Variants in GREB1L observed in about 807,000 individuals in gnomAD.
GREB1L encodes GREB1-like protein.
GREB1L carries 17 observed loss-of-function variants against 200.8 expected under a neutral mutation model. The ratio of observed to expected loss-of-function variants is 0.08; its 90% confidence interval spans 0.06 to 0.13. The LOEUF (loss-of-function observed/expected upper bound fraction) is 0.13. GREB1L is among the 10% of genes least tolerant of loss of function. The pLI, the probability that GREB1L is intolerant of heterozygous loss-of-function variation, is 1.00. For synonymous variants in GREB1L, 789 were observed against 893.0 expected (o/e 0.88, Z 2.08); for missense variants, 1,657 against 2,367.7 (o/e 0.70, Z 6.23).
intron 1 of GREB1L, among the ~76,000 whole-genome samples, chr18:21,244,247 C>T (rs1379144445): frequency 1.3e-5 from 2 of 152,176 alleles, no homozygotes; most frequent in Admixed American, 1.3e-4. Context: ...TGAATTTTTC[C>T]TCCATTTTGG....
chr18:21,268,520 TATACACACACACAC>T (rs1428122794), intron 1 of GREB1L, among the ~76,000 whole-genome samples: 1 of 75,046 alleles, frequency 1.3e-5, no homozygotes, highest in Admixed American at 1.5e-4. Flanking sequence ...TGTATATATA[TATACACACACACAC>T]ACACACACAC....
intron 1 of GREB1L, among the ~76,000 whole-genome samples, chr18:21,306,930 G>A (rs1567930283): frequency 6.6e-6 from 1 of 152,164 alleles, no homozygotes. Flanking sequence ...AAAAGATGGT[G>A]ATATGTTTTA....
intron 21 of GREB1L, among the ~76,000 whole-genome samples, chr18:21,498,370 C>A (rs577152606): frequency 1.1e-4 from 17 of 152,240 alleles, no homozygotes; most frequent in Middle Eastern, 3.4e-3. Flanking sequence ...CCATGTGGAC[C>A]ACTCTGCCTG....
At chr18:21,264,620 CA>C (rs997865837) in intron 1 of GREB1L, among the ~76,000 whole-genome samples, 1 of 152,140 alleles carries the variant, frequency 6.6e-6, no homozygotes, top group African/African-American at 2.4e-5. Context: ...GAAACTAGTT[CA>C]GGGGACTAGT....
At chr18:21,463,272 A>G (rs2035131366) in intron 15 of GREB1L, among the ~76,000 whole-genome samples, 1 of 149,758 alleles carries the variant, frequency 6.7e-6, no homozygotes, top group African/African-American at 2.5e-5. Flanking sequence ...CAGCCTCCCA[A>G]GTAGGTGGGA....
chr18:21,320,473 A>G (rs1379532304), intron 1 of GREB1L, among the ~76,000 whole-genome samples: 2 of 152,214 alleles, frequency 1.3e-5, no homozygotes, highest in Non-Finnish European at 2.9e-5. Context: ...TAGAAAAATA[A>G]AACTATTGGA....
chr18:21,365,251 CTT>C (rs956951463), intron 1 of GREB1L, among the ~76,000 whole-genome samples: 5 of 152,142 alleles, frequency 3.3e-5, no homozygotes, highest in African/African-American at 1.2e-4. Flanking sequence ...GGAAAATCCT[CTT>C]TTGTTTTCTT....
At position 21,310,308 on chromosome 18, in the gene GREB1L, T is replaced by C. The variant is rs144856635; in HGVS notation, c.-119-55719T>C. ...TCAAGAAGCCATGAGACTCATCAAGTGCTGTAATCCCAGCACTTTGGGAGG... is the reference window on the plus strand; with the variant it reads ...TCAAGAAGCCATGAGACTCATCAAGCGCTGTAATCCCAGCACTTTGGGAGG... On this transcript the variant is annotated intron_variant, in intron 1 of 32. Coordinates refer to ENST00000424526, the MANE Select transcript of GREB1L (RefSeq NM_001142966.3). 8.4e-3 allele frequency among the ~76,000 whole-genome samples: 1,277 copies of C among 152,276 alleles called. 4 individuals carry two copies. The highest frequency in any genetic ancestry group is 0.014 in the Middle Eastern group (4 of 294).
At chr18:21,425,753 A>G (rs1246642830) in intron 7 of GREB1L, among the ~76,000 whole-genome samples, 1 of 152,190 alleles carries the variant, frequency 6.6e-6, no homozygotes, top group Non-Finnish European at 1.5e-5. Flanking sequence ...TTATTGATTT[A>G]CAAGAGTTTT....
rs182095217 is a variant in GREB1L at position 21,360,070 on chromosome 18, A to G, written c.-119-5957A>G. Among the ~76,000 whole-genome samples the G allele has an allele frequency of 1.8e-4, 28 of 152,354 alleles. No individual in the cohort carries two copies. In the East Asian group the frequency reaches 4.6e-3, roughly 25 times the overall value. ...TGGTGTATTTTTTAATGGAAGAAATATAACTTTTATTGATAAATACTTCCA... is the reference window on the plus strand; with the variant it reads ...TGGTGTATTTTTTAATGGAAGAAATGTAACTTTTATTGATAAATACTTCCA... On this transcript the variant is annotated intron_variant, in intron 1 of 32. Coordinates refer to ENST00000424526, the MANE Select transcript of GREB1L (RefSeq NM_001142966.3).
intron 1 of GREB1L, among the ~76,000 whole-genome samples, chr18:21,249,827 T>C (rs1567907783): frequency 1.4e-5 from 2 of 147,708 alleles, no homozygotes; most frequent in Non-Finnish European, 3.0e-5. Flanking sequence ...GCCATTGCAC[T>C]CCAGCCTGGC....
rs1188321827 is a variant in GREB1L, at chr18:21,451,004, T to C, written c.1721-19T>C. 1.3e-6 allele frequency: 2 copies of C among 1,550,848 alleles called. No homozygotes were observed. Among genetic ancestry groups the C allele is most frequent in the African/African-American group, 2.7e-5 (2 of 72,998 alleles). ...TTTGTTCTGTTGATGAGTCTTCTCT[T>C]CTCTCCTCCATCCTGCAGGTCAGCA... On this transcript the variant is annotated intron_variant, in intron 12 of 32. Transcript: ENST00000424526.
intron 1 of GREB1L, among the ~76,000 whole-genome samples, chr18:21,281,275 T>G (rs1484758534): frequency 6.6e-6 from 1 of 152,244 alleles, no homozygotes; most frequent in African/African-American, 2.4e-5. Flanking sequence ...GTTTCTAAGC[T>G]TCCCTCATTG....
chr18:21,390,275 G>A (rs936710199), intron 4 of GREB1L, among the ~76,000 whole-genome samples: 1 of 146,956 alleles, frequency 6.8e-6, no homozygotes, highest in Non-Finnish European at 1.5e-5. Context: ...TTATTTCAGA[G>A]TGCACTCCTT....
intron 1 of GREB1L, among the ~76,000 whole-genome samples, chr18:21,284,284 G>A (rs1220278894): frequency 1.3e-5 from 2 of 152,104 alleles, no homozygotes; most frequent in South Asian, 2.1e-4. Context: ...ATTTTAGAAC[G>A]TTTTTATCAC....
intron 1 of GREB1L, among the ~76,000 whole-genome samples, chr18:21,332,618 G>A (rs1315091259): frequency 2.0e-5 from 3 of 152,084 alleles, no homozygotes; most frequent in Non-Finnish European, 4.4e-5. Flanking sequence ...GAGATTACAG[G>A]TGCCTATCAC....
intron 12 of GREB1L, 47 bp from the exon 13 acceptor site, chr18:21,450,976 A>C (rs752185672): frequency 2.6e-6 from 4 of 1,530,340 alleles, no homozygotes; most frequent in Non-Finnish European, 3.5e-6. Flanking sequence ...TGTTCCAGCA[A>C]CATTTGTTCT....
chr18:21,455,896 CTTTTT>C (rs775559267), intron 15 of GREB1L, among the ~76,000 whole-genome samples: 3 of 97,876 alleles, frequency 3.1e-5, no homozygotes, highest in South Asian at 3.8e-4. Flanking sequence ...TCTGCATTTG[CTTTTT>C]TTTTTTTTTT....
chr18:21,268,522 T>TATATACACAC (rs1555623509), intron 1 of GREB1L, among the ~76,000 whole-genome samples: 1 of 65,138 alleles, frequency 1.5e-5, no homozygotes, highest in Non-Finnish European at 3.0e-5. Context: ...TATATATATA[T>TATATACACAC]ACACACACAC....
Sources: allele counts gnomAD v4.1 joint callset (sites outside exome capture counted in the v4.1 genomes callset), GRCh38; gene constraint gnomAD v4.1.1; transcripts MANE v1.5; gene names NCBI Gene and HGNC (gene_info 2026-07-23, HGNC 2026-07-21).